SMG1: variants seen among roughly 807,000 people sequenced by gnomAD.
SMG1 encodes serine/threonine-protein kinase SMG1.
SMG1 carries 22 observed loss-of-function variants against 419.9 expected under a neutral mutation model. That is an observed-to-expected ratio of 0.05 (90% CI 0.04 to 0.07). The LOEUF is 0.07. Ranked by LOEUF, SMG1 falls within the 10% of genes least tolerant of loss-of-function variation. SMG1 has a pLI of 1.00. For missense variants in SMG1, 3,185 were observed against 4,342.0 expected, an observed-to-expected ratio of 0.73 and a Z score of 7.49; for synonymous variants, 1,538 against 1,553.5, an observed-to-expected ratio of 0.99 and a Z score of 0.23.
At chr16:18,854,539 G>A (rs988864511) in intron 30 of SMG1, 117 bp downstream of exon 30, 16 of 970,016 alleles carry the variant, frequency 1.6e-5, no homozygotes, top group Middle Eastern at 6.1e-4. Flanking sequence ...CAAATGTTCT[G>A]CAACAGCTGG....
At chr16:18,917,552 A>G (rs1289557950) in intron 1 of SMG1, among the ~76,000 whole-genome samples, 2 of 151,782 alleles carry the variant, frequency 1.3e-5, no homozygotes, top group African/African-American at 4.8e-5. Context: ...TTTCTCTTGC[A>G]CATGCATGCA....
intron 13 of SMG1, among the ~76,000 whole-genome samples, chr16:18,873,046 C>T (rs1478191062): frequency 2.0e-5 from 3 of 151,854 alleles, no homozygotes; most frequent in South Asian, 4.2e-4. Flanking sequence ...CCCAGCTACT[C>T]GGGAGGCTGA....
At chr16:18,829,825 T>G in intron 53 of SMG1, 70 bp from the exon 54 acceptor site, 1 of 1,459,080 alleles carries the variant, frequency 6.9e-7, no homozygotes, top group Non-Finnish European at 9.2e-7. Context: ...TTATAGTATT[T>G]AAGGTGTCAT....
chr16:18,856,162 C>T lies in SMG1; in HGVS notation c.4235-1258G>A, dbSNP rs1363778749. 5.7e-5 allele frequency among the ~76,000 whole-genome samples: 8 copies of T among 139,852 alleles called. No individual in the cohort carries two copies. The East Asian group carries it at 1.6e-3, about 28-fold the overall frequency. 91.7% of individuals were successfully genotyped at this position (139,852 alleles called of 152,430 possible). On this transcript the variant is annotated intron_variant, in intron 29 of 62. Transcript: ENST00000446231. ...TTAAATCAGGTGCCCTCGTTATTTG[C>T]TGTTCCTTCTTATTTTTTGAGACCG... is the stretch of plus-strand genomic sequence containing the variant.
In SMG1 at chr16:18,868,544, A is replaced by T. The variant is rs1191537183; in HGVS notation, c.3009T>A (p.Asn1003Lys). Residue 1003 changes from asparagine to lysine, a missense_variant, in exon 21 of 63, where the codon AAT (asparagine) becomes AAA (lysine). Asn to Lys is a moderately conservative substitution (Grantham distance 94). Transcript: ENST00000446231. ...LMYNAYEGCA[N>K]ALTSPPKVIR... ...CAACCTTGGGAGGTGAAGTTAATGC[A>T]TTAGCACATCCCTCGTATGCATTAT... 1 of 1,594,346 alleles carries T rather than the reference A, an allele frequency of 6.3e-7. No individual in the cohort carries two copies. The highest frequency in any genetic ancestry group is 8.5e-7 in the Non-Finnish European group (1 of 1,177,034).
chr16:18,918,033 G>C (rs2038044234), intron 1 of SMG1, among the ~76,000 whole-genome samples: 1 of 151,646 alleles, frequency 6.6e-6, no homozygotes, highest in South Asian at 2.1e-4. Flanking sequence ...GGCTGGGATG[G>C]GTGGATCACC....
rs182446425 is a variant in SMG1 at position 18,843,300 on chromosome 16, G to A, written c.6220-846C>T. Among the ~76,000 whole-genome samples the A allele has an allele frequency of 4.5e-3, 678 of 152,280 alleles. 2 individuals are homozygous for A. The highest frequency in any genetic ancestry group is 7.1e-3 in the Non-Finnish European group (481 of 68,008). Reference sequence around the variant, plus strand: ...AGAGACTTAACAAAACTGAAGAAAAGACAAAGACAAGTAAGAACATTTTTA... The same window carrying A: ...AGAGACTTAACAAAACTGAAGAAAAAACAAAGACAAGTAAGAACATTTTTA... On this transcript the variant is annotated intron_variant, in intron 39 of 62. Transcript: ENST00000446231.
In SMG1 at chr16:18,853,767, C is replaced by T. The variant is rs752474473; in HGVS notation, c.4584G>A (p.Leu1528=). 6.2e-7 allele frequency: 1 copy of T among 1,613,872 alleles called. No individual in the cohort carries two copies. The highest frequency in any genetic ancestry group is 1.6e-4 in the Middle Eastern group (1 of 6,062). ...TCCATTCTGCCTGGATCCATTTAGC[C>T]AGTGTCAGAATTGATTTAGCAACTG... The part of the protein sequence containing the change: ...EYAVAKSILT[L]AKWIQAEWKE... The change falls in exon 31 of 63, where the codon CTG becomes CTA. Residue 1528 remains leucine (L), a synonymous_variant. Transcript: ENST00000446231.
Position 18,816,313 on chromosome 16 carries a change from C to G in SMG1, c.10291G>C (p.Ala3431Pro). ...QLGDVKHLLKAMAKDEEAALA... is the reference protein window; with the variant it reads ...QLGDVKHLLKPMAKDEEAALA... ...GGTATTAGTCTTACCTTAGCCATAG[C>G]TTTCAAGAGATGTTTGACATCTCCA... The change falls in exon 58 of 63, where the codon GCT (alanine) becomes CCT (proline). Residue 3431 changes from alanine to proline, a missense_variant. By Grantham distance (27) the Ala-to-Pro change is conservative. Around this residue, in one of 27 missense-constraint regions of SMG1, gnomAD observed 737 missense variants for 846.6 expected, o/e 0.87. Transcript: ENST00000446231. 6.2e-7 allele frequency: 1 copy of G among 1,613,532 alleles called. No homozygotes were observed. Among genetic ancestry groups the G allele is most frequent in the South Asian group, 1.1e-5 (1 of 91,036 alleles).
intron 1 of SMG1, among the ~76,000 whole-genome samples, chr16:18,920,130 C>A (rs1399854162): frequency 6.6e-6 from 1 of 151,762 alleles, no homozygotes; most frequent in Non-Finnish European, 1.5e-5. Flanking sequence ...ACCTGTAATC[C>A]CAGCACTTTG....
intron 38 of SMG1, 34 bp from the exon 39 acceptor site, chr16:18,845,685 AAT>A (rs773518989): frequency 3.9e-6 from 6 of 1,543,182 alleles, no homozygotes; most frequent in Non-Finnish European, 5.3e-6. Context: ...CAAAAACTTA[AAT>A]GTGTACATTA....
intron 50 of SMG1, 40 bp downstream of exon 50, chr16:18,834,164 G>A (rs1052365412): frequency 2.2e-6 from 3 of 1,392,536 alleles, no homozygotes; most frequent in Non-Finnish European, 2.0e-6. Flanking sequence ...ACAATATTCA[G>A]TATCTAAAAC....
intron 22 of SMG1, among the ~76,000 whole-genome samples, chr16:18,867,204 C>A (rs1463384339): frequency 6.6e-6 from 1 of 152,066 alleles, no homozygotes; most frequent in Non-Finnish European, 1.5e-5. Context: ...ACTTTCAAGC[C>A]AGGAATTACT....
chr16:18,907,177 G>T (rs1254902493), intron 1 of SMG1, among the ~76,000 whole-genome samples: 4 of 151,964 alleles, frequency 2.6e-5, no homozygotes, highest in African/African-American at 4.8e-5. Context: ...AGCTACTCAG[G>T]AGGCTGAGGC....
chr16:18,819,416 C>T, intron 56 of SMG1, 86 bp downstream of exon 56: 1 of 1,450,048 alleles, frequency 6.9e-7, no homozygotes. Context: ...CTCTCAAGCT[C>T]CCCTAGTTAC....
At chr16:18,893,417 G>C (rs2036971561) in intron 3 of SMG1, among the ~76,000 whole-genome samples, 1 of 152,184 alleles carries the variant, frequency 6.6e-6, no homozygotes, top group Non-Finnish European at 1.5e-5. Context: ...TTGAGCCCAG[G>C]AGTTCGAGAC....
At position 18,850,223 on chromosome 16, in the gene SMG1, A is replaced by G; in HGVS notation, c.5283+14T>C. 1 of 1,595,268 alleles carries G rather than the reference A, an allele frequency of 6.3e-7. No individual in the cohort carries two copies. The highest frequency in any genetic ancestry group is 8.6e-7 in the Non-Finnish European group (1 of 1,169,060). On this transcript the variant is annotated intron_variant, in intron 34 of 62. Coordinates refer to ENST00000446231, the MANE Select transcript of SMG1 (RefSeq NM_015092.5). Reference sequence around the variant, plus strand: ...TTTCCAAAATAAATTTTCTTAGAACACTGTGCTACATACTTGACCAGCGTT... The same window carrying G: ...TTTCCAAAATAAATTTTCTTAGAACGCTGTGCTACATACTTGACCAGCGTT...
intron 1 of SMG1, among the ~76,000 whole-genome samples, chr16:18,905,832 G>A (rs1296508386): frequency 2.0e-5 from 3 of 151,852 alleles, no homozygotes; most frequent in African/African-American, 4.8e-5. Context: ...GGCTGGTCTC[G>A]AACTCCTGAC....
At chr16:18,844,258 G>A (rs1179484963) in intron 39 of SMG1, among the ~76,000 whole-genome samples, 1 of 151,754 alleles carries the variant, frequency 6.6e-6, no homozygotes. Context: ...GTGAAACTCC[G>A]TCTCTACTAA....
Sources: gnomAD v4.1 joint callset for allele counts (sites outside exome capture counted in the v4.1 genomes callset) on GRCh38, gnomAD v4.1.1 for gene constraint, gnomAD v4.1.1 regional missense constraint, MANE v1.5 for transcripts, NCBI Gene and HGNC (gene_info 2026-07-23, HGNC 2026-07-21) for gene names.